The following CERS6 variants were observed in gnomAD, a reference collection of about 807,000 sequenced individuals.
The protein encoded by CERS6 is LAG1 homolog, ceramide synthase 6.
Under a neutral mutation model 56.8 loss-of-function variants are expected in CERS6, and 26 were observed. The ratio of observed to expected loss-of-function variants is 0.46; its 90% CI spans 0.34 to 0.63. CERS6 has a LOEUF of 0.63. Among genes scored for constraint, CERS6 ranks in the 30% least tolerant of loss-of-function variants. The pLI is 0.01. For synonymous variants in CERS6, 164 were observed against 173.3 expected (o/e 0.95, Z 0.42); for missense variants, 415 against 467.5 (o/e 0.89, Z 1.04).
At chr2:168,494,082 C>T (rs1358333711) in intron 1 of CERS6, among the ~76,000 whole-genome samples, 3 of 152,136 alleles carry the variant, frequency 2.0e-5, no homozygotes, top group Non-Finnish European at 4.4e-5. Context: ...TCGTCGAGGG[C>T]TCAGGGAATG....
rs181913123 is a variant in CERS6, at chr2:168,562,529, T to C, written c.407+1207T>C. Reference sequence around the variant, plus strand: ...AACATGTGAGCAAAAGAATCTATGTTAGAATTAAGTTCAAGGGAAGGTACT... The same window carrying C: ...AACATGTGAGCAAAAGAATCTATGTCAGAATTAAGTTCAAGGGAAGGTACT... On this transcript the variant is annotated intron_variant, in intron 3 of 9. Transcript: ENST00000305747. Among the ~76,000 whole-genome samples the C allele has an allele frequency of 5.1e-3, 771 of 152,288 alleles. 6 individuals carry two copies. Among genetic ancestry groups the C allele is most frequent in the South Asian group, 0.015 (71 of 4,816 alleles).
At chr2:168,485,167 C>CTTT (rs530485337) in intron 1 of CERS6, among the ~76,000 whole-genome samples, 64 of 137,362 alleles carry the variant, frequency 4.7e-4, no homozygotes, top group East Asian at 4.1e-3. Context: ...CACTGCCTTG[C>CTTT]TTTTTTTTTT....
intron 5 of CERS6, among the ~76,000 whole-genome samples, chr2:168,691,941 C>G (rs746804470): frequency 1.3e-5 from 2 of 152,096 alleles, no homozygotes; most frequent in Non-Finnish European, 2.9e-5. Flanking sequence ...GGTGTTTGGT[C>G]TTTGGGGCGT....
intron 1 of CERS6, among the ~76,000 whole-genome samples, chr2:168,528,504 A>G (rs2105360719): frequency 6.6e-6 from 1 of 152,334 alleles, no homozygotes. Flanking sequence ...TTCTGTTAAA[A>G]TAATTTGTGA....
intron 8 of CERS6, among the ~76,000 whole-genome samples, chr2:168,755,476 T>C (rs964032700): frequency 2.6e-5 from 4 of 152,186 alleles, no homozygotes; most frequent in African/African-American, 9.7e-5. Context: ...TTTCCTTCTC[T>C]AGGGAATGTG....
At chr2:168,677,095 G>A (rs1686082740) in intron 4 of CERS6, among the ~76,000 whole-genome samples, 1 of 146,678 alleles carries the variant, frequency 6.8e-6, no homozygotes. Context: ...AGGTATACAT[G>A]TGCCATGGTG....
chr2:168,665,365 ATTAC>A (rs1015135712), intron 4 of CERS6, among the ~76,000 whole-genome samples: 3 of 152,180 alleles, frequency 2.0e-5, no homozygotes, highest in Non-Finnish European at 4.4e-5. Flanking sequence ...TTTACTACCA[ATTAC>A]TTAAGTTTTT....
chr2:168,680,737 T>C (rs921341537), intron 4 of CERS6, among the ~76,000 whole-genome samples: 6 of 152,214 alleles, frequency 3.9e-5, no homozygotes, highest in Non-Finnish European at 5.9e-5. Flanking sequence ...AGCTTGCCCT[T>C]CAGCATTCTG....
chr2:168,553,459 T>G (rs1487008427), intron 2 of CERS6, among the ~76,000 whole-genome samples: 1 of 152,186 alleles, frequency 6.6e-6, no homozygotes. Flanking sequence ...AATACTTCAC[T>G]GAGCAGCTGG....
intron 8 of CERS6, among the ~76,000 whole-genome samples, chr2:168,734,551 C>T (rs900340950): frequency 8.5e-5 from 13 of 152,212 alleles, no homozygotes; most frequent in African/African-American, 2.7e-4. Flanking sequence ...CAGACAGACA[C>T]GCACACACAC....
At chr2:168,649,333 C>A (rs1445528222) in intron 4 of CERS6, among the ~76,000 whole-genome samples, 2 of 152,110 alleles carry the variant, frequency 1.3e-5, no homozygotes, top group Non-Finnish European at 2.9e-5. Flanking sequence ...CTTCCTTATC[C>A]ACATTCATCA....
At chr2:168,629,426 A>G (rs903449920) in intron 3 of CERS6, among the ~76,000 whole-genome samples, 2 of 152,286 alleles carry the variant, frequency 1.3e-5, no homozygotes, top group Non-Finnish European at 2.9e-5. Flanking sequence ...TAGAGATAAT[A>G]CTTGTGCTAC....
At position 168,630,971 on chromosome 2, in the gene CERS6, T is replaced by TC; in HGVS notation, c.408-14_408-13insC. 1 of 1,395,588 alleles carries TC rather than the reference T, an allele frequency of 7.2e-7. No homozygotes were observed. The allele number at this position is 1,395,588 out of a possible 1,614,324, so 86.5% of individuals were successfully genotyped here. A position where few individuals can be genotyped will look rare whatever the true frequency, so the allele number is the denominator to read the frequency against. Reference sequence around the variant, plus strand: ...TAAACTGAATGTCACAGATTTTTTTTTAACCTTCTACAGGTGGAGATTTTC... The same window carrying TC: ...TAAACTGAATGTCACAGATTTTTTTTCTAACCTTCTACAGGTGGAGATTTTC... On this transcript the variant is annotated splice_polypyrimidine_tract_variant and intron_variant, in intron 3 of 9. Coordinates refer to ENST00000305747, the MANE Select transcript of CERS6 (RefSeq NM_203463.3).
At chr2:168,759,358 G>T (rs1215697467) in intron 8 of CERS6, among the ~76,000 whole-genome samples, 7 of 152,094 alleles carry the variant, frequency 4.6e-5, no homozygotes, top group African/African-American at 7.2e-5. Flanking sequence ...CAAAAGGTTT[G>T]GGCAGAACAA....
intron 8 of CERS6, among the ~76,000 whole-genome samples, chr2:168,732,606 C>A (rs955531528): frequency 3.9e-5 from 6 of 152,234 alleles, no homozygotes; most frequent in African/African-American, 1.4e-4. Flanking sequence ...ATTATTTTCT[C>A]ACCCCACATG....
intron 4 of CERS6, among the ~76,000 whole-genome samples, chr2:168,674,934 A>G (rs1235479200): frequency 6.6e-6 from 1 of 151,334 alleles, no homozygotes; most frequent in Non-Finnish European, 1.5e-5. Context: ...TGTATAAACA[A>G]TTAAAGTTGA....
intron 1 of CERS6, among the ~76,000 whole-genome samples, chr2:168,533,521 C>T (rs748223951): frequency 6.6e-6 from 1 of 152,148 alleles, no homozygotes; most frequent in Admixed American, 6.5e-5. Context: ...TTGTCTTGTG[C>T]CCAAAGGGAA....
chr2:168,748,197 A>G (rs1427626881), intron 8 of CERS6, among the ~76,000 whole-genome samples: 1 of 152,146 alleles, frequency 6.6e-6, no homozygotes, highest in South Asian at 2.1e-4. Context: ...AATTTAAGGT[A>G]TGGCCTTGGC....
At chr2:168,643,541 C>T (rs928231161) in intron 4 of CERS6, among the ~76,000 whole-genome samples, 3 of 152,162 alleles carry the variant, frequency 2.0e-5, no homozygotes, top group Non-Finnish European at 2.9e-5. Context: ...CAAAAATGCA[C>T]CATTCTATAC....
Sources: gnomAD v4.1 joint callset for allele counts (sites outside exome capture counted in the v4.1 genomes callset) on GRCh38, gnomAD v4.1.1 for gene constraint, MANE v1.5 for transcripts, NCBI Gene and HGNC (gene_info 2026-07-23, HGNC 2026-07-21) for gene names.